The following PEX5L variants were observed in gnomAD, a reference collection of about 807,000 sequenced individuals.
PEX5L encodes peroxisomal biogenesis factor 5 like, also known as PEX5-related protein.
A neutral mutation model predicts 84.0 loss-of-function variants in PEX5L; 30 were observed. The observed-to-expected ratio is 0.36, with a 90% CI of 0.27 to 0.48. The LOEUF (loss-of-function observed/expected upper bound fraction) is 0.48, where lower values mean the gene tolerates loss of function less well. PEX5L is among the 20% of genes least tolerant of loss of function. PEX5L has a pLI of 0.99. For synonymous variants in PEX5L, 270 were observed against 283.1 expected (o/e 0.95, Z 0.46); for missense variants, 533 against 754.6 (o/e 0.71, Z 3.44).
At chr3:179,906,592 G>C (rs1188589425) in intron 2 of PEX5L, among the ~76,000 whole-genome samples, 1 of 152,102 alleles carries the variant, frequency 6.6e-6, no homozygotes, top group East Asian at 1.9e-4. Context: ...ATTTGTTATA[G>C]TTTGAGAGGC....
intron 8 of PEX5L, among the ~76,000 whole-genome samples, chr3:179,855,074 G>A (rs976952700): frequency 2.0e-5 from 3 of 152,056 alleles, no homozygotes; most frequent in Non-Finnish European, 4.4e-5. Flanking sequence ...TGGGGACAGT[G>A]GGCAGTAAAC....
chr3:179,883,639 C>T (rs957624176), intron 4 of PEX5L, among the ~76,000 whole-genome samples: 9 of 152,142 alleles, frequency 5.9e-5, no homozygotes, highest in East Asian at 3.9e-4. Context: ...CAAAATTAGC[C>T]GGGCGTGGTG....
At chr3:179,805,146 CTTTTT>C (rs777171015) in intron 14 of PEX5L, among the ~76,000 whole-genome samples, 30 of 86,450 alleles carry the variant, frequency 3.5e-4, no homozygotes, top group African/African-American at 7.2e-4. Flanking sequence ...ACTCGATGGT[CTTTTT>C]TTTTTTTTTT....
chr3:179,882,964 T>A (rs1754606404), intron 4 of PEX5L, among the ~76,000 whole-genome samples: 1 of 152,062 alleles, frequency 6.6e-6, no homozygotes, highest in South Asian at 2.1e-4. Context: ...CCAGGAGTGA[T>A]GGCTATCACC....
chr3:179,801,968 C>A lies in PEX5L; in HGVS notation c.1741G>T (p.Val581Phe), dbSNP rs768969769. The change falls in exon 15 of 15, where the codon GTT becomes TTT. Residue 581 changes from valine to phenylalanine, a missense_variant. Physicochemically the swap from Val to Phe is conservative, Grantham distance 50. Around this residue, in one of 8 missense-constraint regions of PEX5L, gnomAD observed 105 missense variants for 204.6 expected, o/e 0.51. Transcript: ENST00000467460. Reference protein sequence around the residue: ...LQRKSRNQQQVPHPAISGNIW... With the variant: ...LQRKSRNQQQFPHPAISGNIW... ...TTCCCAGAGATTGCAGGATGAGGAA[C>A]TTGCTGCTGATTCCTGCTCTTTCTT... 1 of 1,613,992 alleles carries A rather than the reference C, an allele frequency of 6.2e-7. No individual in the cohort carries two copies. The highest frequency in any genetic ancestry group is 8.5e-7 in the Non-Finnish European group (1 of 1,179,926).
In PEX5L at chr3:179,880,112, C is replaced by T; in HGVS notation, c.322G>A (p.Gly108Ser). 2 of 1,604,692 alleles carry T rather than the reference C, an allele frequency of 1.2e-6. No individual in the cohort carries two copies. The highest frequency in any genetic ancestry group is 1.7e-6 in the Non-Finnish European group (2 of 1,175,744). Residue 108 changes from glycine (G) to serine (S), a missense_variant, in exon 5 of 15, where the codon GGC becomes AGC. Around this residue, in one of 8 missense-constraint regions of PEX5L, gnomAD observed 259 missense variants for 301.7 expected, o/e 0.86. Transcript: ENST00000467460. ...TCACTCAGGTCGAGGAGATCTAAGC[C>T]AGTGGTCAATACTACCAGAAATGGA... ...VTSNTAVLTT[G>S]LDLLDLSEPV...
intron 8 of PEX5L, among the ~76,000 whole-genome samples, chr3:179,852,865 T>C (rs1742432863): frequency 6.6e-6 from 1 of 152,222 alleles, no homozygotes; most frequent in South Asian, 2.1e-4. Flanking sequence ...TGATTTTGAA[T>C]CTAGGGGGAA....
At chr3:179,941,659 A>G (rs767610456) in intron 2 of PEX5L, among the ~76,000 whole-genome samples, 4 of 152,204 alleles carry the variant, frequency 2.6e-5, no homozygotes, top group Non-Finnish European at 5.9e-5. Context: ...CCTGGTAGAA[A>G]AGAGTGAGTA....
At chr3:179,976,920 A>G (rs1314109420) in intron 1 of PEX5L, among the ~76,000 whole-genome samples, 1 of 152,230 alleles carries the variant, frequency 6.6e-6, no homozygotes, top group Admixed American at 6.5e-5. Context: ...AAATATAGAT[A>G]CCAGAGAATG....
chr3:179,936,479 T>G (rs1351276264), intron 2 of PEX5L, among the ~76,000 whole-genome samples: 2 of 152,210 alleles, frequency 1.3e-5, no homozygotes, highest in Admixed American at 6.5e-5. Flanking sequence ...TAGCTATTAT[T>G]ATTTCATCAA....
chr3:179,866,882 C>G (rs931771378), intron 7 of PEX5L, among the ~76,000 whole-genome samples: 1 of 151,590 alleles, frequency 6.6e-6, no homozygotes, highest in Non-Finnish European at 1.5e-5. Context: ...AAAAATCAGC[C>G]GGGCATGGTG....
intron 1 of PEX5L, among the ~76,000 whole-genome samples, chr3:180,006,334 T>C (rs1207387411): frequency 6.8e-6 from 1 of 147,034 alleles, no homozygotes; most frequent in East Asian, 1.9e-4. Context: ...ATCCCTGAAG[T>C]AGTGAAAAAA....
chr3:179,942,906 C>T (rs62293072), intron 2 of PEX5L, among the ~76,000 whole-genome samples: 15,504 of 152,242 alleles, frequency 0.1, 1,085 homozygotes, highest in Non-Finnish European at 0.16. Context: ...CATCAGGAGG[C>T]CTGCGTTCCA....
chr3:179,976,133 G>GC (rs1269720904), intron 1 of PEX5L, among the ~76,000 whole-genome samples: 2 of 152,186 alleles, frequency 1.3e-5, no homozygotes, highest in African/African-American at 4.8e-5. Context: ...TAAGTAATGG[G>GC]CAAAAGGAAA....
At chr3:180,005,583 G>T (rs1322321909) in intron 1 of PEX5L, among the ~76,000 whole-genome samples, 2 of 152,120 alleles carry the variant, frequency 1.3e-5, no homozygotes, top group African/African-American at 2.4e-5. Flanking sequence ...AAAAAAATTG[G>T]CCAGGCATGG....
At chr3:179,829,374 C>G (rs1412843555) in intron 8 of PEX5L, among the ~76,000 whole-genome samples, 1 of 152,172 alleles carries the variant, frequency 6.6e-6, no homozygotes, top group Non-Finnish European at 1.5e-5. Context: ...TAGCACCAAA[C>G]AGTGCTTTAT....
rs1719012143 is a variant in PEX5L at position 179,801,980 on chromosome 3, T to C, written c.1729A>G (p.Asn577Asp). The change falls in exon 15 of 15, where the codon AAT becomes GAT. Residue 577 changes from asparagine to aspartate, a missense_variant. Coordinates refer to ENST00000467460, the MANE Select transcript of PEX5L (RefSeq NM_016559.3). ...TALSLQRKSR[N>D]QQQVPHPAIS... ...GCAGGATGAGGAACTTGCTGCTGAT[T>C]CCTGCTCTTTCTTTGCAAACTGAGG... The C allele has an allele frequency of 6.2e-7, 1 of 1,614,016 alleles. No homozygotes were observed. Among genetic ancestry groups the C allele is most frequent in the Non-Finnish European group, 8.5e-7 (1 of 1,179,944 alleles).
At chr3:179,846,277 G>A (rs1312111808) in intron 8 of PEX5L, among the ~76,000 whole-genome samples, 2 of 152,178 alleles carry the variant, frequency 1.3e-5, no homozygotes, top group Admixed American at 6.5e-5. Flanking sequence ...CATACAATGT[G>A]TAACAATCAA....
At chr3:179,843,959 G>C (rs991534504) in intron 8 of PEX5L, among the ~76,000 whole-genome samples, 1 of 152,198 alleles carries the variant, frequency 6.6e-6, no homozygotes, top group Non-Finnish European at 1.5e-5. Flanking sequence ...ATGAGGCAGA[G>C]ACCAGGTGTA....
Sources: allele counts gnomAD v4.1 joint callset (sites outside exome capture counted in the v4.1 genomes callset), GRCh38; gene constraint gnomAD v4.1.1; regional missense constraint gnomAD v4.1.1; transcripts MANE v1.5; gene names NCBI Gene and HGNC (gene_info 2026-07-23, HGNC 2026-07-21).